The following CACNA1E variants were observed in gnomAD, a reference collection of about 807,000 sequenced individuals.
The protein encoded by CACNA1E is calcium voltage-gated channel subunit alpha1 E, also known as voltage-dependent R-type calcium channel subunit alpha-1E.
CACNA1E carries 40 observed loss-of-function variants against 259.2 expected under a neutral mutation model. That is an observed-to-expected ratio of 0.15 (90% CI 0.12 to 0.20). The LOEUF (loss-of-function observed/expected upper bound fraction) is 0.20. CACNA1E is among the 10% of genes least tolerant of loss of function. The pLI is 1.00. For synonymous variants in CACNA1E, 1,104 were observed against 1,138.5 expected, an observed-to-expected ratio of 0.97 and a Z score of 0.61; for missense variants, 1,874 against 3,040.1, an observed-to-expected ratio of 0.62 and a Z score of 9.02.
At chr1:181,516,377 ACACACAC>A (rs1024928905) in intron 3 of CACNA1E, among the ~76,000 whole-genome samples, 1 of 151,952 alleles carries the variant, frequency 6.6e-6, no homozygotes, top group African/African-American at 2.4e-5. Flanking sequence ...ACACACACAC[ACACACAC>A]AATTTCTAAT....
rs542559086 is a variant in CACNA1E, at chr1:181,711,079, G to C, written c.1171+10G>C. On this transcript the variant is annotated intron_variant, in intron 8 of 47. Coordinates refer to ENST00000367573, the MANE Select transcript of CACNA1E (RefSeq NM_001205293.3). ...TGGATAGACAAAGCAGGTAGGCCTG[G>C]GGGGCTGCAGGAGGCTGGTGAGTGG... The C allele has an allele frequency of 6.3e-7, 1 of 1,583,808 alleles. No individual in the cohort carries two copies. Among genetic ancestry groups the C allele is most frequent in the East Asian group, 2.2e-5 (1 of 44,732 alleles).
intron 16 of CACNA1E, 36 bp from the exon 17 acceptor site, chr1:181,724,434 T>C: frequency 1.3e-6 from 2 of 1,585,696 alleles, no homozygotes; most frequent in Admixed American, 1.7e-5. Context: ...AGACTTTTGC[T>C]TTTCTTATTT....
chr1:181,573,627 T>A (rs1650643420), intron 3 of CACNA1E, among the ~76,000 whole-genome samples: 1 of 152,168 alleles, frequency 6.6e-6, no homozygotes, highest in Non-Finnish European at 1.5e-5. Context: ...TATTAAAAAG[T>A]CAAGGAAAAA....
At chr1:181,532,674 T>G (rs892605605) in intron 3 of CACNA1E, among the ~76,000 whole-genome samples, 1 of 152,248 alleles carries the variant, frequency 6.6e-6, no homozygotes, top group African/African-American at 2.4e-5. Context: ...AAGCCAACAC[T>G]TCACTCTCCC....
intron 27 of CACNA1E, 93 bp from the exon 28 acceptor site, chr1:181,755,144 G>T (rs1194792013): frequency 3.1e-5 from 29 of 934,156 alleles, no homozygotes; most frequent in Non-Finnish European, 4.0e-5. Flanking sequence ...TCTTGGTGGG[G>T]CTGGGTAGTG....
At chr1:181,762,743 AC>A in intron 33 of CACNA1E, 86 bp downstream of exon 33, 1 of 796,626 alleles carries the variant, frequency 1.3e-6, no homozygotes, top group Non-Finnish European at 2.1e-6. Flanking sequence ...TCCATTTTTA[AC>A]CCACCAAAGC....
chr1:181,708,640 A>C (rs1572662544), intron 7 of CACNA1E, among the ~76,000 whole-genome samples: 1 of 152,238 alleles, frequency 6.6e-6, no homozygotes, highest in East Asian at 1.9e-4. Flanking sequence ...CCATTTGGCT[A>C]GGCAAATATG....
At chr1:181,739,108 C>T (rs1478124336) in intron 24 of CACNA1E, 39 bp from the exon 25 acceptor site, 1 of 1,264,986 alleles carries the variant, frequency 7.9e-7, no homozygotes, top group South Asian at 1.2e-5. Context: ...GTTGCCCACA[C>T]TTTCTTGGCT....
At chr1:181,422,245 G>A (rs1658803201) in intron 2 of CACNA1E, among the ~76,000 whole-genome samples, 1 of 152,356 alleles carries the variant, frequency 6.6e-6, no homozygotes, top group East Asian at 1.9e-4. Context: ...GGTGCCGTGA[G>A]ATCAGTGATT....
rs749821229 is a variant in CACNA1E, at chr1:181,732,843, G to A, written c.2757G>A (p.Arg919=). 10 of 1,613,622 alleles carry A rather than the reference G, an allele frequency of 6.2e-6. No homozygotes were observed. In the Admixed American group the frequency reaches 1.7e-4, roughly 27 times the overall value. Residue 919 remains arginine, a synonymous_variant, in exon 20 of 48, where the codon CGG becomes CGA. Transcript: ENST00000367573. This position sits in a 1 kb window ranked among gnomAD's most constrained non-coding sequence, Gnocchi z 5.5. ...GGGCCAGGCACAGGCAGAGCCAACG[G>A]CGCAGCCGGCATCGCCGCGTCAGGA... is the stretch of plus-strand genomic sequence containing the variant. ...EDRARHRQSQ[R]RSRHRRVRTE...
At chr1:181,754,518 G>T (rs1256467687) in intron 27 of CACNA1E, among the ~76,000 whole-genome samples, 1 of 152,206 alleles carries the variant, frequency 6.6e-6, no homozygotes. Flanking sequence ...AGGGCCTAGA[G>T]TGGAGGTCTC....
intron 2 of CACNA1E, among the ~76,000 whole-genome samples, chr1:181,426,730 T>G (rs1226999959): frequency 1.4e-5 from 2 of 139,736 alleles, no homozygotes; most frequent in African/African-American, 5.4e-5. Context: ...TCTCAACCCC[T>G]TCACAACTCA....
intron 6 of CACNA1E, among the ~76,000 whole-genome samples, chr1:181,585,693 G>A (rs1651990280): frequency 6.6e-6 from 1 of 152,240 alleles, no homozygotes; most frequent in African/African-American, 2.4e-5. Context: ...AGTGGGCCAT[G>A]TGGTTATCTG....
intron 7 of CACNA1E, among the ~76,000 whole-genome samples, chr1:181,674,919 G>T (rs555293062): frequency 1.3e-5 from 2 of 152,236 alleles, no homozygotes; most frequent in Non-Finnish European, 2.9e-5. Flanking sequence ...CAGTGTGGAA[G>T]TTCAGGCTCT....
chr1:181,405,324 A>G (rs1657386602), intron 1 of CACNA1E, among the ~76,000 whole-genome samples: 1 of 152,240 alleles, frequency 6.6e-6, no homozygotes, highest in African/African-American at 2.4e-5. Flanking sequence ...GCAGCATTGC[A>G]GATGCCATTG....
intron 3 of CACNA1E, among the ~76,000 whole-genome samples, chr1:181,553,108 G>A (rs1198460491): frequency 6.6e-6 from 1 of 152,122 alleles, no homozygotes; most frequent in Non-Finnish European, 1.5e-5. Flanking sequence ...CCATTTTTAC[G>A]ATATTGATTC....
chr1:181,715,712 G>T (rs989519658), intron 9 of CACNA1E, among the ~76,000 whole-genome samples: 1 of 152,192 alleles, frequency 6.6e-6, no homozygotes, highest in South Asian at 2.1e-4. Context: ...GGATCACCTT[G>T]AGACCACTTT....
intron 1 of CACNA1E, among the ~76,000 whole-genome samples, chr1:181,383,422 G>C (rs1571722893): frequency 6.6e-6 from 1 of 152,232 alleles, no homozygotes; most frequent in Admixed American, 6.5e-5. Context: ...CAGGTATGAT[G>C]ATGAGGCAAG....
chr1:181,736,579 C>G (rs904166336), intron 22 of CACNA1E, 145 bp downstream of exon 22: 13 of 741,594 alleles, frequency 1.8e-5, no homozygotes, highest in African/African-American at 1.6e-4. Flanking sequence ...CATTGAGCAT[C>G]TGGGGTGCCC....
Sources: gnomAD v4.1 joint callset for allele counts (sites outside exome capture counted in the v4.1 genomes callset) on GRCh38, gnomAD v4.1.1 for gene constraint, Gnocchi (gnomAD v3.1) non-coding constraint, MANE v1.5 for transcripts, NCBI Gene and HGNC (gene_info 2026-07-23, HGNC 2026-07-21) for gene names.